The following ELF2 variants were observed in gnomAD, a reference collection of about 807,000 sequenced individuals.
ELF2 encodes E74 like ETS transcription factor 2.
Under a neutral mutation model 54.8 loss-of-function variants are expected in ELF2, and 11 were observed. The observed-to-expected ratio is 0.20, with a 90% CI of 0.13 to 0.33. The LOEUF is 0.33. ELF2 is among the 10% of genes least tolerant of loss of function. ELF2 has a pLI of 1.00. For synonymous variants in ELF2, 203 were observed against 245.1 expected, an observed-to-expected ratio of 0.83 and a Z score of 1.61; for missense variants, 513 against 703.0, an observed-to-expected ratio of 0.73 and a Z score of 3.06.
At chr4:139,155,839 A>C (rs1338246205) in intron 1 of ELF2, among the ~76,000 whole-genome samples, 1 of 152,212 alleles carries the variant, frequency 6.6e-6, no homozygotes, top group Non-Finnish European at 1.5e-5. Flanking sequence ...AGAACTGAAG[A>C]TAAATAATTT....
intron 6 of ELF2, among the ~76,000 whole-genome samples, chr4:139,070,878 T>C (rs1036179841): frequency 2.0e-5 from 3 of 152,192 alleles, no homozygotes; most frequent in African/African-American, 4.8e-5. Context: ...TGAAACACTA[T>C]ATTTAATGAA....
intron 4 of ELF2, among the ~76,000 whole-genome samples, chr4:139,108,445 A>G (rs1734636784): frequency 6.6e-6 from 1 of 152,140 alleles, no homozygotes; most frequent in South Asian, 2.1e-4. Flanking sequence ...CTTATTAAAA[A>G]ACAAAAACTA....
chr4:139,066,884 A>G (rs2148677960), intron 7 of ELF2: 1 of 152,234 alleles, frequency 6.6e-6, no homozygotes, highest in Non-Finnish European at 1.5e-5. Context: ...AATAAGCAAA[A>G]ACATGGTTTT....
intron 4 of ELF2, among the ~76,000 whole-genome samples, chr4:139,122,376 C>T (rs928529769): frequency 2.0e-5 from 3 of 152,202 alleles, no homozygotes; most frequent in Non-Finnish European, 2.9e-5. Context: ...TCCTAATTCA[C>T]TACCTAAAAG....
chr4:139,119,959 A>T (rs908265588), intron 4 of ELF2, among the ~76,000 whole-genome samples: 1 of 151,972 alleles, frequency 6.6e-6, no homozygotes, highest in African/African-American at 2.4e-5. Flanking sequence ...TTTTTAGTAG[A>T]GATGGGGTTT....
At chr4:139,116,490 A>C (rs1735735757) in intron 4 of ELF2, among the ~76,000 whole-genome samples, 1 of 152,250 alleles carries the variant, frequency 6.6e-6, no homozygotes, top group Non-Finnish European at 1.5e-5. Context: ...GGGATAATTC[A>C]GCAAACTATC....
chr4:139,073,555 A>G lies in ELF2; in HGVS notation c.251T>C (p.Val84Ala). Residue 84 changes from valine to alanine, a missense_variant, in exon 5 of 10, where the codon GTT becomes GCT. Coordinates refer to ENST00000686138, the MANE Select transcript of ELF2 (RefSeq NM_001331036.3). ...TGTACAGTGTGCATTACTGCTGTGAACTGATGCTTCCACTGGAGGAAAAAT... is the reference window on the plus strand; with the variant it reads ...TGTACAGTGTGCATTACTGCTGTGAGCTGATGCTTCCACTGGAGGAAAAAT... The part of the protein sequence containing the change: ...TENVETVEAS[V>A]HSSNAHCTDK... 6.5e-7 allele frequency: 1 copy of G among 1,541,452 alleles called. No individual in the cohort carries two copies. The highest frequency in any genetic ancestry group is 8.8e-7 in the Non-Finnish European group (1 of 1,136,576).
At chr4:139,135,411 G>C (rs1286689143) in intron 3 of ELF2, among the ~76,000 whole-genome samples, 1 of 151,618 alleles carries the variant, frequency 6.6e-6, no homozygotes, top group Non-Finnish European at 1.5e-5. Context: ...CTCTCTTCCT[G>C]CAATTCTCTT....
intron 4 of ELF2, among the ~76,000 whole-genome samples, chr4:139,124,476 C>T (rs1411127229): frequency 2.6e-5 from 4 of 152,068 alleles, no homozygotes. Context: ...TATAATGATT[C>T]TTTTTCTCCA....
At chr4:139,112,906 A>C (rs760652744) in intron 4 of ELF2, among the ~76,000 whole-genome samples, 10 of 152,084 alleles carry the variant, frequency 6.6e-5, no homozygotes, top group Admixed American at 1.3e-4. Flanking sequence ...AAAAAGATAA[A>C]TAAAAAAAAT....
intron 1 of ELF2, among the ~76,000 whole-genome samples, chr4:139,163,844 G>A (rs929757759): frequency 1.3e-5 from 2 of 151,816 alleles, no homozygotes; most frequent in African/African-American, 4.8e-5. Context: ...AGCCCGCCAA[G>A]TTAAGCCTAC....
chr4:139,170,260 T>A (rs926294576), intron 1 of ELF2, among the ~76,000 whole-genome samples: 10 of 9,586 alleles, frequency 1.0e-3, no homozygotes, highest in South Asian at 0.012. Context: ...CTTAATCGCC[T>A]TTTTTTTTTT....
intron 4 of ELF2, among the ~76,000 whole-genome samples, chr4:139,079,004 C>T (rs932838646): frequency 6.6e-6 from 1 of 152,154 alleles, no homozygotes; most frequent in African/African-American, 2.4e-5. Context: ...TCATGGTTCA[C>T]TGTAGCTTAG....
intron 3 of ELF2, among the ~76,000 whole-genome samples, chr4:139,132,585 A>C (rs1280992352): frequency 6.6e-6 from 1 of 152,034 alleles, no homozygotes; most frequent in East Asian, 1.9e-4. Context: ...TTTACTGCTG[A>C]TATTTATACA....
intron 1 of ELF2, among the ~76,000 whole-genome samples, chr4:139,140,114 C>T (rs1266224296): frequency 6.6e-6 from 1 of 152,028 alleles, no homozygotes; most frequent in African/African-American, 2.4e-5. Flanking sequence ...TTACTTTTTA[C>T]TTTTATTTTT....
chr4:139,161,966 C>A (rs143196923), intron 1 of ELF2, among the ~76,000 whole-genome samples: 1 of 152,050 alleles, frequency 6.6e-6, no homozygotes, highest in Non-Finnish European at 1.5e-5. Context: ...TGGTGGTGGA[C>A]GCCTGTAGTC....
intron 4 of ELF2, chr4:139,084,324 C>A: frequency 6.4e-7 from 1 of 1,565,346 alleles, no homozygotes; most frequent in South Asian, 1.1e-5. Flanking sequence ...CGCACACACT[C>A]CGACGCCCGG....
intron 4 of ELF2, among the ~76,000 whole-genome samples, chr4:139,093,596 C>T (rs1732912767): frequency 6.6e-6 from 1 of 152,216 alleles, no homozygotes; most frequent in African/African-American, 2.4e-5. Flanking sequence ...AACATTTATC[C>T]TCAAACGACA....
Position 139,058,512 on chromosome 4 carries a change from A to T in ELF2, c.*471T>A, listed in dbSNP as rs1174514484. 6.6e-6 allele frequency: 1 copy of T among 152,296 alleles called. No homozygotes were observed. The highest frequency in any genetic ancestry group is 1.5e-5 in the Non-Finnish European group (1 of 68,044). The allele number at this position is 152,296 out of a possible 1,614,324, so 9.4% of individuals were successfully genotyped here. A position where few individuals can be genotyped will look rare whatever the true frequency, so the allele number is the denominator to read the frequency against. ...CTTCAATTCACATTCTAAAATACCT[A>T]TATTAGCAGAGTCTTCACATAGCAC... On this transcript the variant is annotated 3_prime_UTR_variant, in exon 10 of 10. Coordinates refer to ENST00000686138, the MANE Select transcript of ELF2 (RefSeq NM_001331036.3).
Sources: gnomAD v4.1 joint callset for allele counts (sites outside exome capture counted in the v4.1 genomes callset) on GRCh38, gnomAD v4.1.1 for gene constraint, MANE v1.5 for transcripts, NCBI Gene and HGNC (gene_info 2026-07-23, HGNC 2026-07-21) for gene names.